The following AOPEP variants were observed in gnomAD, a reference collection of about 807,000 sequenced individuals.
The protein encoded by AOPEP is aminopeptidase O.
In AOPEP, 77 loss-of-function variants were observed where a neutral mutation model predicts 98.1. The ratio of observed to expected loss-of-function variants is 0.78; its 90% CI spans 0.65 to 0.95. AOPEP has a LOEUF of 0.95. Ranked by LOEUF, AOPEP falls within the 40% of genes least tolerant of loss-of-function variation. The probability of loss-of-function intolerance (pLI) is 0.00; values close to 1 mark genes in which losing one functional copy is unlikely to be tolerated. For synonymous variants in AOPEP, 346 were observed against 365.3 expected, an observed-to-expected ratio of 0.95 and a Z score of 0.60; for missense variants, 1,024 against 1,024.7, an observed-to-expected ratio of 1.00 and a Z score of 0.01.
intron 13 of AOPEP, among the ~76,000 whole-genome samples, chr9:95,050,162 T>C (rs968259193): frequency 1.3e-5 from 2 of 152,268 alleles, no homozygotes; most frequent in African/African-American, 4.8e-5. Flanking sequence ...CAGCTATTTG[T>C]GCAAAATGTG....
At chr9:94,758,987 G>A (rs544456630) in intron 1 of AOPEP, among the ~76,000 whole-genome samples, 1 of 151,446 alleles carries the variant, frequency 6.6e-6, no homozygotes, top group South Asian at 2.1e-4. Flanking sequence ...GAATGTTAAT[G>A]GGTTTTCAGC....
chr9:95,040,699 C>G (rs2065211806), intron 13 of AOPEP, among the ~76,000 whole-genome samples: 1 of 152,226 alleles, frequency 6.6e-6, no homozygotes, highest in African/African-American at 2.4e-5. Context: ...CCTCCTGGCC[C>G]AAGCTCCTGG....
chr9:94,952,614 G>A (rs895506263), intron 7 of AOPEP, among the ~76,000 whole-genome samples: 2 of 152,124 alleles, frequency 1.3e-5, no homozygotes, highest in African/African-American at 4.8e-5. Context: ...TGCTTTCTCC[G>A]GTACTTTGTC....
At chr9:94,988,635 G>A (rs2060670153) in intron 11 of AOPEP, among the ~76,000 whole-genome samples, 1 of 152,194 alleles carries the variant, frequency 6.6e-6, no homozygotes, top group South Asian at 2.1e-4. Context: ...AGCTAATGGA[G>A]ACAGTTGGTA....
At chr9:94,816,044 C>T (rs1247733305) in intron 5 of AOPEP, among the ~76,000 whole-genome samples, 3 of 152,130 alleles carry the variant, frequency 2.0e-5, no homozygotes, top group Non-Finnish European at 4.4e-5. Flanking sequence ...TTTCTTAGGG[C>T]CTTCACAAGG....
At chr9:94,974,222 GGA>G (rs1410541527) in intron 10 of AOPEP, among the ~76,000 whole-genome samples, 1 of 152,134 alleles carries the variant, frequency 6.6e-6, no homozygotes, top group Non-Finnish European at 1.5e-5. Context: ...GTTAGCAGCT[GGA>G]ATTAATGCTT....
chr9:95,035,175 T>C (rs973452354), intron 13 of AOPEP, among the ~76,000 whole-genome samples: 2 of 151,778 alleles, frequency 1.3e-5, no homozygotes, highest in Admixed American at 6.6e-5. Flanking sequence ...TGTTTCCGTG[T>C]GTTCTCATTG....
At chr9:95,059,749 C>T (rs1038406899) in intron 13 of AOPEP, among the ~76,000 whole-genome samples, 1 of 152,168 alleles carries the variant, frequency 6.6e-6, no homozygotes, top group African/African-American at 2.4e-5. Flanking sequence ...TCTGCACATA[C>T]ACAGGGATGG....
chr9:94,782,872 C>G (rs1488498929), intron 3 of AOPEP, among the ~76,000 whole-genome samples: 1 of 152,196 alleles, frequency 6.6e-6, no homozygotes, highest in Non-Finnish European at 1.5e-5. Flanking sequence ...TTCTTGCTTA[C>G]CCTCCTGGCA....
intron 14 of AOPEP, among the ~76,000 whole-genome samples, chr9:95,062,141 T>C (rs1244828003): frequency 1.3e-5 from 2 of 152,184 alleles, no homozygotes; most frequent in Non-Finnish European, 2.9e-5. Flanking sequence ...GCAGCTCAAC[T>C]TAGTTGTTAT....
intron 13 of AOPEP, among the ~76,000 whole-genome samples, chr9:95,053,707 T>TTTGTTGTTGTTG (rs60251468): frequency 2.0e-5 from 3 of 150,708 alleles, no homozygotes; most frequent in East Asian, 2.0e-4. Flanking sequence ...TTAATTCATT[T>TTTGTTGTTGTTG]TTGTTGTTGT....
intron 5 of AOPEP, among the ~76,000 whole-genome samples, chr9:94,827,958 G>A (rs1855013051): frequency 6.6e-6 from 1 of 151,968 alleles, no homozygotes; most frequent in Admixed American, 6.6e-5. Context: ...TGCATTTCCC[G>A]GACACAGAAT....
At chr9:94,850,564 A>G (rs2043428357) in intron 5 of AOPEP, among the ~76,000 whole-genome samples, 2 of 152,198 alleles carry the variant, frequency 1.3e-5, no homozygotes, top group Admixed American at 1.3e-4. Flanking sequence ...CCATATACTC[A>G]GTTGGCAATG....
At chr9:94,964,785 G>A (rs1429497547) in intron 9 of AOPEP, among the ~76,000 whole-genome samples, 1 of 151,844 alleles carries the variant, frequency 6.6e-6, no homozygotes, top group Non-Finnish European at 1.5e-5. Flanking sequence ...TATTACAGGT[G>A]CCCACCAACC....
the AOPEP span, among the ~76,000 whole-genome samples, chr9:95,138,921 C>G: frequency 6.6e-6 from 1 of 152,200 alleles, no homozygotes. Context: ...AGCCTTGATT[C>G]AGAGCACACC....
chr9:95,040,792 G>C (rs1050921805), intron 13 of AOPEP, among the ~76,000 whole-genome samples: 4 of 152,162 alleles, frequency 2.6e-5, no homozygotes, highest in African/African-American at 9.7e-5. Context: ...GGTTATCCTG[G>C]CTCCTCCCAT....
intron 7 of AOPEP, among the ~76,000 whole-genome samples, chr9:94,948,784 A>G (rs2057879634): frequency 6.6e-6 from 1 of 152,190 alleles, no homozygotes; most frequent in Non-Finnish European, 1.5e-5. Context: ...AGTTGAATCA[A>G]AATGGGAGTT....
Position 95,005,193 on chromosome 9 carries a change from C to G in AOPEP, c.2013C>G (p.Cys671Trp), listed in dbSNP as rs773825659. ...LQRERRAGAE[C>W]GLARQVRAEV... ...GGGAGCGTCGCGCCGGGGCGGAGTG[C>G]GGGCTTGCGCGGCAAGTGCGCGCCG... is the stretch of plus-strand genomic sequence containing the variant. Residue 671 changes from cysteine to tryptophan, a missense_variant, in exon 12 of 17, where the codon TGC (cysteine) becomes TGG (tryptophan). Around this residue, in one of 3 missense-constraint regions of AOPEP, gnomAD observed 566 missense variants for 551.7 expected, o/e 1.03. Coordinates refer to ENST00000375315, the MANE Select transcript of AOPEP (RefSeq NM_001193329.3). The G allele has an allele frequency of 8.8e-7, 1 of 1,138,514 alleles. No individual in the cohort carries two copies. Among genetic ancestry groups the G allele is most frequent in the Non-Finnish European group, 1.1e-6 (1 of 925,976 alleles). 70.5% of individuals were successfully genotyped at this position (1,138,514 alleles called of 1,614,324 possible).
intron 7 of AOPEP, chr9:94,932,221 G>GT: frequency 1.0e-6 from 1 of 986,724 alleles, no homozygotes; most frequent in Non-Finnish European, 1.2e-6. Flanking sequence ...AGTATGCTTG[G>GT]TCCAAGCATC....
Sources: gnomAD v4.1 joint callset for allele counts (sites outside exome capture counted in the v4.1 genomes callset) on GRCh38, gnomAD v4.1.1 for gene constraint, gnomAD v4.1.1 regional missense constraint, MANE v1.5 for transcripts, NCBI Gene and HGNC (gene_info 2026-07-23, HGNC 2026-07-21) for gene names.